SNX7: variants seen among roughly 807,000 people sequenced by gnomAD.
SNX7 encodes sorting nexin 7, also known as sorting nexin-7.
Under a neutral mutation model 48.4 loss-of-function variants are expected in SNX7, and 35 were observed. The observed-to-expected ratio is 0.72, with a 90% confidence interval of 0.55 to 0.96. The LOEUF is 0.96. SNX7 is among the 40% of genes least tolerant of loss of function. The pLI is 0.00. For synonymous variants in SNX7, 190 were observed against 190.2 expected (o/e 1.00, Z 0.01); for missense variants, 553 against 548.9 (o/e 1.01, Z -0.07).
At chr1:98,727,388 G>A (rs913890793) in intron 7 of SNX7, among the ~76,000 whole-genome samples, 9 of 151,996 alleles carry the variant, frequency 5.9e-5, no homozygotes, top group Non-Finnish European at 5.9e-5. Flanking sequence ...AAAGATTAAA[G>A]GTAGATAAAC....
chr1:98,759,013 T>C (rs1654991554), intron 8 of SNX7, among the ~76,000 whole-genome samples: 1 of 152,020 alleles, frequency 6.6e-6, no homozygotes, highest in African/African-American at 2.4e-5. Flanking sequence ...GCTTTAAACA[T>C]TTGAGTTTTT....
chr1:98,691,859 C>G (rs979608270), intron 4 of SNX7, among the ~76,000 whole-genome samples, 160 bp downstream of exon 4: 2 of 151,606 alleles, frequency 1.3e-5, no homozygotes, highest in Non-Finnish European at 2.9e-5. Flanking sequence ...AGATATAACC[C>G]TGTGTCAAAT....
intron 7 of SNX7, among the ~76,000 whole-genome samples, chr1:98,727,605 C>T (rs1653255240): frequency 6.6e-6 from 1 of 152,014 alleles, no homozygotes; most frequent in Non-Finnish European, 1.5e-5. Context: ...TATTCTAACT[C>T]ATTACAAAGA....
chr1:98,667,554 G>C (rs1036904248), intron 1 of SNX7, among the ~76,000 whole-genome samples: 1 of 147,360 alleles, frequency 6.8e-6, no homozygotes, highest in Non-Finnish European at 1.5e-5. Flanking sequence ...TTTTTTTTTT[G>C]TATTTTTAGT....
At chr1:98,674,308 C>T (rs931342481) in intron 1 of SNX7, among the ~76,000 whole-genome samples, 4 of 152,112 alleles carry the variant, frequency 2.6e-5, no homozygotes, top group African/African-American at 7.2e-5. Flanking sequence ...TATTGACTCA[C>T]GGTTCTGGAG....
Position 98,691,041 on chromosome 1 carries a change from T to C in SNX7, c.364-34T>C, listed in dbSNP as rs200510058. 783 of 1,426,328 alleles carry C rather than the reference T, an allele frequency of 5.5e-4. 7 individuals are homozygous for C. The African/African-American group carries it at 0.01, about 19-fold the overall frequency. The allele number at this position is 1,426,328 out of a possible 1,614,324, so 88.4% of individuals were successfully genotyped here. ...TAGGCAAATACCTTCTATCTTATAT[T>C]GCATGTGCTGTTATTTTCTCTTACT... On this transcript the variant is annotated intron_variant, in intron 2 of 8. Transcript: ENST00000306121.
intron 7 of SNX7, among the ~76,000 whole-genome samples, chr1:98,710,880 C>T (rs1435051415): frequency 6.6e-6 from 1 of 152,090 alleles, no homozygotes; most frequent in South Asian, 2.1e-4. Flanking sequence ...AGAAATTACG[C>T]TTAAAGAATT....
chr1:98,737,078 G>T (rs12726679), intron 7 of SNX7, among the ~76,000 whole-genome samples: 40,020 of 141,430 alleles, frequency 0.28, 5,627 homozygotes, highest in Middle Eastern at 0.33. Flanking sequence ...TTTTCCCCTC[G>T]CTTTTTTTTT....
intron 2 of SNX7, among the ~76,000 whole-genome samples, chr1:98,688,795 C>G (rs541208122): frequency 2.8e-4 from 43 of 152,292 alleles, no homozygotes; most frequent in African/African-American, 9.1e-4. Context: ...TATTTATACT[C>G]CAAATGCACT....
intron 1 of SNX7, chr1:98,662,912 A>G: frequency 7.1e-6 from 8 of 1,120,156 alleles, no homozygotes; most frequent in Non-Finnish European, 9.3e-6. Context: ...AAAGAGGAGT[A>G]TATAAAACTT....
intron 8 of SNX7, among the ~76,000 whole-genome samples, chr1:98,743,214 G>C (rs1323389774): frequency 6.6e-6 from 1 of 151,912 alleles, no homozygotes. Flanking sequence ...AAACACAGGG[G>C]TGGCGTGGCA....
chr1:98,667,573 G>A (rs1388417598), intron 1 of SNX7, among the ~76,000 whole-genome samples: 1 of 151,694 alleles, frequency 6.6e-6, no homozygotes, highest in African/African-American at 2.4e-5. Context: ...GTAGAGATGG[G>A]GTTTTGCCAT....
chr1:98,756,686 C>T (rs1009599726), intron 8 of SNX7, among the ~76,000 whole-genome samples: 3 of 151,718 alleles, frequency 2.0e-5, no homozygotes, highest in African/African-American at 4.8e-5. Context: ...TTCCATGCAC[C>T]ACTCTCTTCT....
chr1:98,681,912 C>T (rs1443697109), intron 1 of SNX7, among the ~76,000 whole-genome samples: 2 of 152,136 alleles, frequency 1.3e-5, no homozygotes, highest in Non-Finnish European at 2.9e-5. Flanking sequence ...AATAATGGGG[C>T]AACATGTTTC....
chr1:98,661,668 G>C, upstream of SNX7: 1 of 1,181,714 alleles, frequency 8.5e-7, no homozygotes, highest in Non-Finnish European at 1.0e-6. Context: ...GGGAGCCAAT[G>C]GGCACGCTCG....
chr1:98,735,465 A>C (rs1329265916), intron 7 of SNX7, among the ~76,000 whole-genome samples: 3 of 152,176 alleles, frequency 2.0e-5, no homozygotes, highest in Non-Finnish European at 4.4e-5. Flanking sequence ...AATTGATCAT[A>C]CATATTTAAG....
chr1:98,661,628 C>G (rs2100889468), upstream of SNX7: 1 of 1,025,980 alleles, frequency 9.7e-7, no homozygotes, highest in East Asian at 4.0e-5. Flanking sequence ...GGGGCTGGAG[C>G]GGGGCCGGCC....
intron 1 of SNX7, among the ~76,000 whole-genome samples, chr1:98,663,528 C>T (rs1375401446): frequency 1.3e-5 from 2 of 151,882 alleles, no homozygotes; most frequent in African/African-American, 4.8e-5. Context: ...CAGCGCTATT[C>T]GTTTGCTTAG....
intron 7 of SNX7, among the ~76,000 whole-genome samples, chr1:98,710,151 C>G (rs966466414): frequency 2.0e-5 from 3 of 152,040 alleles, no homozygotes; most frequent in African/African-American, 7.2e-5. Context: ...ACCCAGAAAA[C>G]TTGTCAAGAG....
Sources: allele counts gnomAD v4.1 joint callset (sites outside exome capture counted in the v4.1 genomes callset), GRCh38; gene constraint gnomAD v4.1.1; transcripts MANE v1.5; gene names NCBI Gene and HGNC (gene_info 2026-07-23, HGNC 2026-07-21).